Variants in CRISP2 observed in about 807,000 individuals in gnomAD.
CRISP2 encodes the protein cysteine-rich secretory protein 2.
Under a neutral mutation model 31.7 loss-of-function variants are expected in CRISP2, and 29 were observed. The observed-to-expected ratio is 0.92, with a 90% CI of 0.68 to 1.25. CRISP2 has a LOEUF of 1.25. Ranked by LOEUF, CRISP2 falls within the 50% of genes most tolerant of loss-of-function variation. The pLI is 0.00. For missense variants in CRISP2, 318 were observed against 286.5 expected (o/e 1.11, Z -0.79); for synonymous variants, 111 against 101.4 (o/e 1.09, Z -0.57).
At chr6:49,702,160 T>C (rs1391514093) in intron 4 of CRISP2, among the ~76,000 whole-genome samples, 2 of 119,498 alleles carry the variant, frequency 1.7e-5, no homozygotes, top group African/African-American at 6.0e-5. Context: ...TATATATATA[T>C]ATATATATAT....
chr6:49,700,092 A>C (rs1765412837), intron 5 of CRISP2, among the ~76,000 whole-genome samples: 1 of 152,182 alleles, frequency 6.6e-6, no homozygotes, highest in South Asian at 2.1e-4. Flanking sequence ...TATATCTAAA[A>C]AGCAAAATAA....
At chr6:49,689,377 T>G (rs1278187471), downstream of CRISP2, among the ~76,000 whole-genome samples, 3 of 152,216 alleles carry the variant, frequency 2.0e-5, no homozygotes, top group Non-Finnish European at 2.9e-5. Flanking sequence ...TATTATTTTC[T>G]TGCTTATATG....
intron 4 of CRISP2, among the ~76,000 whole-genome samples, chr6:49,706,257 C>G (rs1428138718): frequency 6.6e-6 from 1 of 152,082 alleles, no homozygotes; most frequent in Non-Finnish European, 1.5e-5. Flanking sequence ...TGGTATCTGC[C>G]TTTAAGGAAA....
chr6:49,700,994 T>G (rs895134393), intron 4 of CRISP2, among the ~76,000 whole-genome samples: 1 of 152,126 alleles, frequency 6.6e-6, no homozygotes, highest in Non-Finnish European at 1.5e-5. Context: ...ATATAACTTT[T>G]AAATAGTAAA....
In CRISP2 at chr6:49,692,651, G is replaced by A. The variant is rs1444888861; in HGVS notation, c.*122C>T. 5 of 876,562 alleles carry A rather than the reference G, an allele frequency of 5.7e-6. No individual in the cohort carries two copies. In the South Asian group the frequency reaches 8.9e-5, roughly 16 times the overall value. 54.3% of individuals were successfully genotyped at this position (876,562 alleles called of 1,614,324 possible). ...GTGATTTCTGTGATGATCTGGGGGAGAAGATGCATTGCTCTTTGAAATCAA... is the reference window on the plus strand; with the variant it reads ...GTGATTTCTGTGATGATCTGGGGGAAAAGATGCATTGCTCTTTGAAATCAA... On this transcript the variant is annotated 3_prime_UTR_variant, in exon 10 of 10. Coordinates refer to ENST00000339139, the MANE Select transcript of CRISP2 (RefSeq NM_003296.4).
At chr6:49,697,066 A>T (rs948683934) in intron 8 of CRISP2, among the ~76,000 whole-genome samples, 3 of 152,178 alleles carry the variant, frequency 2.0e-5, no homozygotes, top group Middle Eastern at 3.2e-3. Flanking sequence ...GGAATCGTAC[A>T]TCATCTTCGC....
At chr6:49,687,540 C>T (rs146303435), downstream of CRISP2, among the ~76,000 whole-genome samples, 133 of 152,266 alleles carry the variant, frequency 8.7e-4, no homozygotes, top group Middle Eastern at 3.4e-3. Flanking sequence ...AGTGTTCTCG[C>T]ACAAAACTCT....
At chr6:49,704,855 AG>A (rs1766740138) in intron 4 of CRISP2, among the ~76,000 whole-genome samples, 1 of 152,228 alleles carries the variant, frequency 6.6e-6, no homozygotes, top group Admixed American at 6.5e-5. Context: ...TCATGTGGAC[AG>A]TCTCAGGACC....
At chr6:49,679,148 T>C in the CRISP2 span, among the ~76,000 whole-genome samples, 151 of 152,316 alleles carry the variant, frequency 9.9e-4, no homozygotes, top group Non-Finnish European at 1.7e-3. Flanking sequence ...ATTGGTAGTC[T>C]TATCATACTG....
chr6:49,698,032 A>C (rs1046342495), intron 7 of CRISP2, 75 bp from the exon 8 acceptor site: 73 of 1,199,990 alleles, frequency 6.1e-5, no homozygotes, highest in Non-Finnish European at 8.2e-5. Context: ...AGTAGCAAAT[A>C]TAAAACTGAA....
chr6:49,709,192 G>T lies in CRISP2; in HGVS notation c.5C>A (p.Ala2Asp). 6.2e-7 allele frequency: 1 copy of T among 1,613,528 alleles called. No individual in the cohort carries two copies. Among genetic ancestry groups the T allele is most frequent in the Middle Eastern group, 1.6e-4 (1 of 6,062 alleles). ...AACCAGAAACAACACCGGTAGTAAA[G>T]CCATTGCTGGAAACTAAGTCAAGAA... M[A>D]LLPVLFLVTV... Residue 2 changes from alanine to aspartate, a missense_variant, in exon 4 of 10, where the codon GCT (alanine) becomes GAT (aspartate). Transcript: ENST00000339139.
intron 4 of CRISP2, among the ~76,000 whole-genome samples, chr6:49,702,180 T>TATAA (rs1766184538): frequency 4.8e-5 from 6 of 125,040 alleles, no homozygotes; most frequent in African/African-American, 1.8e-4. Flanking sequence ...TATATATATA[T>TATAA]ATAACATTTT....
chr6:49,692,652 A>AAG lies in CRISP2; in HGVS notation c.*119_*120dup. On this transcript the variant is annotated 3_prime_UTR_variant, in exon 10 of 10. Transcript: ENST00000339139. Reference sequence around the variant, plus strand: ...TGATTTCTGTGATGATCTGGGGGAGAAGATGCATTGCTCTTTGAAATCAAA... The same window carrying AAG: ...TGATTTCTGTGATGATCTGGGGGAGAAGAGATGCATTGCTCTTTGAAATCAAA... 1.1e-6 allele frequency: 1 copy of AAG among 880,440 alleles called. No individual in the cohort carries two copies. Among genetic ancestry groups the AAG allele is most frequent in the Non-Finnish European group, 1.7e-6 (1 of 591,470 alleles). The allele number at this position is 880,440 out of a possible 1,614,324, so 54.5% of individuals were successfully genotyped here. A position where few individuals can be genotyped will look rare whatever the true frequency, so the allele number is the denominator to read the frequency against.
At chr6:49,701,674 A>ATATGTATACATTATT (rs1561876342) in intron 4 of CRISP2, among the ~76,000 whole-genome samples, 2 of 123,218 alleles carry the variant, frequency 1.6e-5, no homozygotes, top group East Asian at 2.3e-4. Flanking sequence ...TATACATTAT[A>ATATGTATACATTATT]TATGTATACA....
the CRISP2 span, among the ~76,000 whole-genome samples, chr6:49,685,140 C>A: frequency 3.3e-5 from 5 of 152,156 alleles, no homozygotes; most frequent in Non-Finnish European, 7.4e-5. Flanking sequence ...TTGCCACTGG[C>A]CACCAATGCT....
the CRISP2 span, among the ~76,000 whole-genome samples, chr6:49,684,768 T>C: frequency 6.6e-6 from 1 of 152,224 alleles, no homozygotes; most frequent in Admixed American, 6.5e-5. Flanking sequence ...TCATTGTTTT[T>C]ATATGTGGAT....
Position 49,697,875 on chromosome 6 carries a change from C to CATGT in CRISP2, c.499_500insACAT (p.Cys167TyrfsTer9). 1 of 1,611,850 alleles carries CATGT rather than the reference C, an allele frequency of 6.2e-7. No homozygotes were observed. ...GTCTACTTACGCAGGACAATATTGG[C>CATGT]AAACATAGTAGTATTTTAGACTATC... On this transcript the variant is annotated frameshift_variant, in exon 8 of 10. Coordinates refer to ENST00000339139, the MANE Select transcript of CRISP2 (RefSeq NM_003296.4). LOFTEE classifies it high-confidence loss of function.
At chr6:49,682,655 T>TTTTCTTTC in the CRISP2 span, among the ~76,000 whole-genome samples, 276 of 51,958 alleles carry the variant, frequency 5.3e-3, no homozygotes, top group East Asian at 0.011. Context: ...TCTTTCTTTC[T>TTTTCTTTC]TTTCTTTCTT....
chr6:49,695,979 G>T, intron 8 of CRISP2, 55 bp from the exon 9 acceptor site: 1 of 1,118,272 alleles, frequency 8.9e-7, no homozygotes, highest in Non-Finnish European at 1.3e-6. Flanking sequence ...ATACTCTAAG[G>T]GCAGTATCAG....
Sources: gnomAD v4.1 joint callset for allele counts (sites outside exome capture counted in the v4.1 genomes callset) on GRCh38, gnomAD v4.1.1 for gene constraint, MANE v1.5 for transcripts, NCBI Gene and HGNC (gene_info 2026-07-23, HGNC 2026-07-21) for gene names.